The following SDK1 variants were observed in gnomAD, a reference collection of about 807,000 sequenced individuals.
The protein encoded by SDK1 is protein sidekick-1.
SDK1 carries 157 observed loss-of-function variants against 245.5 expected under a neutral mutation model. That is an observed-to-expected ratio of 0.64 (90% CI 0.56 to 0.73). SDK1 has a LOEUF of 0.73. Ranked by LOEUF, SDK1 falls within the 30% of genes least tolerant of loss-of-function variation. SDK1 has a pLI of 0.00. For missense variants in SDK1, 3,583 were observed against 3,002.3 expected (o/e 1.19, Z -4.52); for synonymous variants, 1,647 against 1,278.5 (o/e 1.29, Z -6.15).
At chr7:3,385,463 A>T (rs1284509154) in intron 1 of SDK1, among the ~76,000 whole-genome samples, 1 of 152,106 alleles carries the variant, frequency 6.6e-6, no homozygotes, top group African/African-American at 2.4e-5. Context: ...AGCAGACAAT[A>T]ATTTTTTTTC....
chr7:3,887,954 T>C (rs1024931727), intron 5 of SDK1, among the ~76,000 whole-genome samples: 8 of 152,260 alleles, frequency 5.3e-5, no homozygotes, highest in South Asian at 2.1e-4. Flanking sequence ...TTCTTTTGTC[T>C]GTCTGACTGT....
chr7:3,842,486 G>A (rs748503883), intron 5 of SDK1, among the ~76,000 whole-genome samples: 8 of 152,160 alleles, frequency 5.3e-5, no homozygotes, highest in African/African-American at 1.2e-4. Flanking sequence ...GTACTAGGTC[G>A]CTGTACTGGC....
At chr7:4,165,227 T>G (rs766913203) in intron 32 of SDK1, among the ~76,000 whole-genome samples, 6 of 151,972 alleles carry the variant, frequency 3.9e-5, no homozygotes, top group Non-Finnish European at 7.4e-5. Context: ...GGCGTGGTGA[T>G]GGGCGCCTGT....
At chr7:3,753,933 T>A (rs186046857) in intron 4 of SDK1, among the ~76,000 whole-genome samples, 1 of 152,324 alleles carries the variant, frequency 6.6e-6, no homozygotes, top group Admixed American at 6.5e-5. Flanking sequence ...TGAAGGAAAG[T>A]AGAATGAAAA....
At chr7:4,084,670 T>TGTTAC (rs57299547) in intron 22 of SDK1, among the ~76,000 whole-genome samples, 8 of 131,584 alleles carry the variant, frequency 6.1e-5, no homozygotes, top group Admixed American at 3.9e-4. Flanking sequence ...GTATATGTTA[T>TGTTAC]GTTACGTTAT....
Position 4,268,404 on chromosome 7 carries a change from A to G in SDK1, c.*3020A>G. ...CTTCTGGGTGAATCGGTCCAGCCCA[A>G]GCCCCTCTCCCCAGCCTCGCCTTCA... On this transcript the variant is annotated 3_prime_UTR_variant, in exon 45 of 45. Transcript: ENST00000404826. 1 of 1,115,652 alleles carries G rather than the reference A, an allele frequency of 9.0e-7. No homozygotes were observed. The highest frequency in any genetic ancestry group is 4.2e-4 in the Middle Eastern group (1 of 2,364). The allele number at this position is 1,115,652 out of a possible 1,614,324, so 69.1% of individuals were successfully genotyped here. A position where few individuals can be genotyped will look rare whatever the true frequency, so the allele number is the denominator to read the frequency against.
chr7:3,440,768 A>G (rs1289578026), intron 1 of SDK1, among the ~76,000 whole-genome samples: 1 of 152,212 alleles, frequency 6.6e-6, no homozygotes, highest in African/African-American at 2.4e-5. Context: ...AAGTAAATTT[A>G]TGCTGGTCTT....
chr7:3,551,277 T>C (rs1779401025), intron 1 of SDK1, among the ~76,000 whole-genome samples: 1 of 152,214 alleles, frequency 6.6e-6, no homozygotes, highest in African/African-American at 2.4e-5. Context: ...CTCATGGATA[T>C]GTGAATTATT....
chr7:3,820,486 T>C lies in SDK1; in HGVS notation c.714-964T>C, dbSNP rs73308071. On this transcript the variant is annotated intron_variant, in intron 4 of 44. Transcript: ENST00000404826. ...ACAAATTTTACCACCCTCATCCACC[T>C]CTTTAACTGGCAAAAAGAATACGGA... is the stretch of plus-strand genomic sequence containing the variant. Among the ~76,000 whole-genome samples the C allele has an allele frequency of 7.1e-3, 1,082 of 152,258 alleles. 11 individuals are homozygous for C. The highest frequency in any genetic ancestry group is 0.024 in the African/African-American group (1,015 of 41,544).
chr7:4,165,253 G>A (rs964397541), intron 32 of SDK1, among the ~76,000 whole-genome samples: 2 of 152,010 alleles, frequency 1.3e-5, no homozygotes, highest in Non-Finnish European at 2.9e-5. Flanking sequence ...CAGCTACTCG[G>A]GAGGCTCAGG....
intron 4 of SDK1, among the ~76,000 whole-genome samples, chr7:3,804,597 A>T (rs1474567607): frequency 6.6e-6 from 1 of 152,214 alleles, no homozygotes; most frequent in African/African-American, 2.4e-5. Context: ...CTCTATAGGA[A>T]AATCTTGCTG....
chr7:3,351,224 G>A (rs1446672144), intron 1 of SDK1, among the ~76,000 whole-genome samples: 1 of 152,070 alleles, frequency 6.6e-6, no homozygotes, highest in Non-Finnish European at 1.5e-5. Context: ...AAGATTTTAT[G>A]TCCTATGTTT....
At chr7:3,865,416 C>T (rs910947697) in intron 5 of SDK1, among the ~76,000 whole-genome samples, 5 of 152,206 alleles carry the variant, frequency 3.3e-5, no homozygotes, top group African/African-American at 7.2e-5. Context: ...ACATGTGACA[C>T]GCCATTTACA....
chr7:3,588,439 TG>T lies in SDK1; in HGVS notation c.299-30639del, dbSNP rs369776013. The stretch of plus-strand genomic sequence containing the variant: ...CAAAAAACAACAGACACAAAGTTTC[TG>T]GTTCAGAAAATTCACCTCTGAAAGC... On this transcript the variant is annotated intron_variant, in intron 1 of 44. Transcript: ENST00000404826. Among the ~76,000 whole-genome samples, 5 of 152,350 alleles carry T rather than the reference TG, an allele frequency of 3.3e-5. No homozygotes were observed. The East Asian group carries it at 9.6e-4, about 29-fold the overall frequency.
intron 4 of SDK1, among the ~76,000 whole-genome samples, chr7:3,749,457 G>A (rs746482400): frequency 5.3e-5 from 8 of 152,120 alleles, no homozygotes; most frequent in Non-Finnish European, 1.0e-4. Context: ...GTACCACCAC[G>A]CCTGGCTAAT....
chr7:3,394,334 A>G (rs1370379919), intron 1 of SDK1, among the ~76,000 whole-genome samples: 1 of 152,150 alleles, frequency 6.6e-6, no homozygotes, highest in Non-Finnish European at 1.5e-5. Flanking sequence ...TGTTTGTTAA[A>G]AATCAGTGGA....
chr7:4,174,249 CT>C lies in SDK1; in HGVS notation c.4830del (p.Leu1611PhefsTer28). ...QPPRDESLNG[L>X]LQGYRIYYRE... is the part of the protein sequence containing the mutation. ...TCCGAGGGACGAAAGCCTGAATGGC[CT>C]TCTTCAGGGATACAGGATCTACTAC... On this transcript the variant is annotated frameshift_variant, in exon 33 of 45. Coordinates refer to ENST00000404826, the MANE Select transcript of SDK1 (RefSeq NM_152744.4). LOFTEE classifies it high-confidence loss of function. 2 of 1,614,000 alleles carry C rather than the reference CT, an allele frequency of 1.2e-6. No homozygotes were observed. The highest frequency in any genetic ancestry group is 1.7e-6 in the Non-Finnish European group (2 of 1,179,914).
chr7:3,569,170 A>G (rs937419435), intron 1 of SDK1, among the ~76,000 whole-genome samples: 5 of 152,210 alleles, frequency 3.3e-5, no homozygotes, highest in African/African-American at 1.2e-4. Flanking sequence ...TAGTGAAAAG[A>G]GTACAGAGAA....
chr7:3,920,624 A>G (rs988529140), intron 5 of SDK1, among the ~76,000 whole-genome samples: 1 of 152,134 alleles, frequency 6.6e-6, no homozygotes, highest in Non-Finnish European at 1.5e-5. Flanking sequence ...CCAAGATGGA[A>G]CTATCCGGAG....
Sources: gnomAD v4.1 joint callset for allele counts (sites outside exome capture counted in the v4.1 genomes callset) on GRCh38, gnomAD v4.1.1 for gene constraint, MANE v1.5 for transcripts, NCBI Gene and HGNC (gene_info 2026-07-23, HGNC 2026-07-21) for gene names.